TRPM7: variants seen among roughly 807,000 people sequenced by gnomAD.
The protein encoded by TRPM7 is LTRPC ion channel family member 7.
In TRPM7, 134 loss-of-function variants were observed where a neutral mutation model predicts 229.7. The ratio of observed to expected loss-of-function variants is 0.58; its 90% confidence interval spans 0.51 to 0.67. The LOEUF (loss-of-function observed/expected upper bound fraction) is 0.67. Ranked by LOEUF, TRPM7 falls within the 30% of genes least tolerant of loss-of-function variation. TRPM7 has a pLI of 0.00. For synonymous variants in TRPM7, 699 were observed against 715.2 expected (o/e 0.98, Z 0.36); for missense variants, 1,901 against 2,210.0 (o/e 0.86, Z 2.80).
intron 15 of TRPM7, 115 bp downstream of exon 15, chr15:50,613,592 C>T: frequency 1.1e-6 from 1 of 900,458 alleles, no homozygotes; most frequent in South Asian, 2.8e-5. Context: ...AGGACATATC[C>T]AAAAACGAAA....
At chr15:50,663,133 C>CTTT in intron 1 of TRPM7, 87 bp from the exon 2 acceptor site, 7 of 804,896 alleles carry the variant, frequency 8.7e-6, no homozygotes, top group South Asian at 1.8e-5. Flanking sequence ...ATAAACAGTT[C>CTTT]TTTTTTTTTT....
intron 3 of TRPM7, 119 bp downstream of exon 3, chr15:50,657,662 A>C: frequency 1.2e-6 from 1 of 858,398 alleles, no homozygotes; most frequent in Admixed American, 2.3e-5. Flanking sequence ...GTCTAGGTAA[A>C]GTACCCATCA....
chr15:50,619,594 C>T, intron 13 of TRPM7, 151 bp downstream of exon 13: 2 of 642,430 alleles, frequency 3.1e-6, no homozygotes, highest in Non-Finnish European at 5.1e-6. Context: ...CCTCTCTTAC[C>T]ACAAATTCAG....
intron 25 of TRPM7, among the ~76,000 whole-genome samples, chr15:50,592,852 C>G (rs971665117): frequency 6.6e-6 from 1 of 152,022 alleles, no homozygotes; most frequent in African/African-American, 2.4e-5. Flanking sequence ...GTTTTTGTTC[C>G]ACAGGCTACT....
At chr15:50,619,149 T>C (rs766819948) in intron 13 of TRPM7, among the ~76,000 whole-genome samples, 1 of 152,138 alleles carries the variant, frequency 6.6e-6, no homozygotes, top group African/African-American at 2.4e-5. Flanking sequence ...ATCAACAGTC[T>C]TTCTTTTATG....
Position 50,569,867 on chromosome 15 carries a change from C to T in TRPM7, c.5467+20G>A, listed in dbSNP as rs780085422. 5 of 1,544,270 alleles carry T rather than the reference C, an allele frequency of 3.2e-6. No individual in the cohort carries two copies. The highest frequency in any genetic ancestry group is 1.4e-5 in the African/African-American group (1 of 72,712). On this transcript the variant is annotated intron_variant, in intron 38 of 38. Coordinates refer to ENST00000646667, the MANE Select transcript of TRPM7 (RefSeq NM_017672.6). ...GTTTCGTAACAATTTATATACTATA[C>T]TGATTAAGAAATTTTTTACCTGGAA...
intron 13 of TRPM7, among the ~76,000 whole-genome samples, chr15:50,618,974 T>C (rs986904434): frequency 4.6e-5 from 7 of 152,174 alleles, no homozygotes; most frequent in African/African-American, 1.7e-4. Flanking sequence ...GTAGAAATAC[T>C]AGATTTTTTT....
In TRPM7 at chr15:50,671,619, G is replaced by A. The variant is rs140455318; in HGVS notation, c.4-8573C>T. 1.6e-4 allele frequency among the ~76,000 whole-genome samples: 24 copies of A among 149,780 alleles called. No homozygotes were observed. In the East Asian group the frequency reaches 3.7e-3, roughly 23 times the overall value. ...AGGCCAGGAGTTCAAGACCAACCTG[G>A]GCAGCATAATGAGATCCTGTCGCTA... On this transcript the variant is annotated intron_variant, in intron 1 of 38. Transcript: ENST00000646667.
Position 50,609,599 on chromosome 15 carries a change from TAC to T in TRPM7, c.2560_2561del (p.Val854LysfsTer5). 1 of 1,604,962 alleles carries T rather than the reference TAC, an allele frequency of 6.2e-7. No homozygotes were observed. The highest frequency in any genetic ancestry group is 8.5e-7 in the Non-Finnish European group (1 of 1,177,516). Reference protein sequence around the residue: ...KFYAFYHAPIVKFWFNTLAYL... With the variant: ...KFYAFYHAPIXKFWFNTLAYL... ...AACATACCGTGTTAAACCAGAATTT[TAC>T]AATTGGTGCATGATAAAAGGCATAA... On this transcript the variant is annotated frameshift_variant, in exon 19 of 39. Transcript: ENST00000646667. LOFTEE classifies it high-confidence loss of function.
intron 13 of TRPM7, among the ~76,000 whole-genome samples, chr15:50,615,360 T>C (rs990200483): frequency 2.0e-5 from 3 of 152,138 alleles, no homozygotes; most frequent in East Asian, 1.9e-4. Context: ...TAGGTTTTTA[T>C]AGTGTTGTCC....
At chr15:50,676,668 T>C (rs1424014006) in intron 1 of TRPM7, among the ~76,000 whole-genome samples, 1 of 152,048 alleles carries the variant, frequency 6.6e-6, no homozygotes, top group African/African-American at 2.4e-5. Context: ...GGAATGGTAT[T>C]GAGTGAGTTT....
In TRPM7 at chr15:50,599,301, T is replaced by TA; in HGVS notation, c.2989-6dup. ...AATGTAGAACATATTGGCCACCTGTTAAAAAATGAACACTGTTAAAATACA... is the reference window on the plus strand; with the variant it reads ...AATGTAGAACATATTGGCCACCTGTTAAAAAAATGAACACTGTTAAAATACA... On this transcript the variant is annotated splice_polypyrimidine_tract_variant and splice_region_variant and intron_variant, in intron 21 of 38. Transcript: ENST00000646667. 1 of 1,589,580 alleles carries TA rather than the reference T, an allele frequency of 6.3e-7. No individual in the cohort carries two copies. Among genetic ancestry groups the TA allele is most frequent in the South Asian group, 1.2e-5 (1 of 86,294 alleles).
chr15:50,639,226 G>T lies in TRPM7; in HGVS notation c.660+198C>A, dbSNP rs12907202. ...ACACTGTAACAGCATTTATATTTAT[G>T]AACTTAATTATTTATAGTTATGAAT... On this transcript the variant is annotated intron_variant, in intron 6 of 38. Transcript: ENST00000646667. 0.08 allele frequency among the ~76,000 whole-genome samples: 12,110 copies of T among 152,168 alleles called. 572 individuals are homozygous for T. The highest frequency in any genetic ancestry group is 0.12 in the South Asian group (584 of 4,810).
chr15:50,639,733 A>ATTT (rs553888440), intron 5 of TRPM7, among the ~76,000 whole-genome samples, 185 bp from the exon 6 acceptor site: 17 of 140,174 alleles, frequency 1.2e-4, no homozygotes, highest in Middle Eastern at 7.6e-3. Context: ...CAGCCGGCTA[A>ATTT]TTTTTTTTTT....
chr15:50,590,445 T>A (rs1012430818), intron 26 of TRPM7, among the ~76,000 whole-genome samples: 1 of 152,186 alleles, frequency 6.6e-6, no homozygotes, highest in Non-Finnish European at 1.5e-5. Flanking sequence ...GACAACATGT[T>A]AATAAGCCCA....
At position 50,609,608 on chromosome 15, in the gene TRPM7, T is replaced by C; in HGVS notation, c.2553A>G (p.Ala851=). 1.2e-6 allele frequency: 2 copies of C among 1,608,762 alleles called. No homozygotes were observed. Among genetic ancestry groups the C allele is most frequent in the Non-Finnish European group, 1.7e-6 (2 of 1,178,426 alleles). The stretch of plus-strand genomic sequence containing the variant: ...TGTTAAACCAGAATTTTACAATTGG[T>C]GCATGATAAAAGGCATAAAACTTTC... ...ITRKFYAFYH[A]PIVKFWFNTL... is the part of the protein sequence containing the mutation. The change falls in exon 19 of 39, where the codon GCA becomes GCG. Residue 851 remains alanine (A), a synonymous_variant. Transcript: ENST00000646667.
chr15:50,614,137 C>A lies in TRPM7; in HGVS notation c.1621G>T (p.Gly541Cys). The change falls in exon 14 of 39, where the codon GGT becomes TGT. Residue 541 changes from glycine to cysteine, a missense_variant. Gly to Cys is a radical substitution (Grantham distance 159). This residue lies in a region of TRPM7 where 794 missense variants were observed against 881.9 expected (regional missense o/e 0.90). Transcript: ENST00000646667. ...KRFRLIYNSL[G>C]GNNRRSGRNT... Reference sequence around the variant, plus strand: ...ATTTTACATACCCGATTATTTCCACCAAGACTATTATATATTAATCGAAAA... The same window carrying A: ...ATTTTACATACCCGATTATTTCCACAAAGACTATTATATATTAATCGAAAA... 1 of 1,599,204 alleles carries A rather than the reference C, an allele frequency of 6.3e-7. No homozygotes were observed. Among genetic ancestry groups the A allele is most frequent in the South Asian group, 1.1e-5 (1 of 89,320 alleles).
chr15:50,652,658 T>A (rs201066892), intron 3 of TRPM7, among the ~76,000 whole-genome samples: 43 of 32,726 alleles, frequency 1.3e-3, no homozygotes, highest in African/African-American at 3.5e-3. Flanking sequence ...AAAAAATCGT[T>A]TAAGTGGGTA....
chr15:50,640,362 G>A (rs1356714175), intron 5 of TRPM7, among the ~76,000 whole-genome samples: 1 of 151,844 alleles, frequency 6.6e-6, no homozygotes, highest in Admixed American at 6.6e-5. Flanking sequence ...CTGCAGCCTT[G>A]ACCTCCCGGG....
Sources: gnomAD v4.1 joint callset for allele counts (sites outside exome capture counted in the v4.1 genomes callset) on GRCh38, gnomAD v4.1.1 for gene constraint, gnomAD v4.1.1 regional missense constraint, MANE v1.5 for transcripts, NCBI Gene and HGNC (gene_info 2026-07-23, HGNC 2026-07-21) for gene names.